CSMD1: variants seen among roughly 807,000 people sequenced by gnomAD.
CSMD1 encodes CUB and sushi domain-containing protein 1.
Under a neutral mutation model 417.5 loss-of-function variants are expected in CSMD1, and 213 were observed. The ratio of observed to expected loss-of-function variants is 0.51; its 90% CI spans 0.46 to 0.57. The LOEUF is 0.57. Among genes scored for constraint, CSMD1 ranks in the 20% least tolerant of loss-of-function variants. The pLI, the probability that CSMD1 is intolerant of heterozygous loss-of-function variation, is 0.00. For missense variants in CSMD1, 6,923 were observed against 4,529.7 expected, an observed-to-expected ratio of 1.53 and a Z score of -15.17; for synonymous variants, 2,862 against 1,736.8, an observed-to-expected ratio of 1.65 and a Z score of -16.11.
intron 5 of CSMD1, among the ~76,000 whole-genome samples, chr8:3,869,348 T>G (rs1805322055): frequency 1.3e-5 from 2 of 152,204 alleles, no homozygotes; most frequent in South Asian, 4.1e-4. Flanking sequence ...TACTATATCC[T>G]GTATAATAAA....
intron 12 of CSMD1, among the ~76,000 whole-genome samples, chr8:3,449,261 C>G (rs1280060157): frequency 2.6e-5 from 4 of 152,250 alleles, no homozygotes; most frequent in Admixed American, 2.6e-4. Context: ...CAGGCTTATT[C>G]TGAAAAATAT....
chr8:4,285,216 C>T lies in CSMD1; in HGVS notation c.415+134737G>A, dbSNP rs571930468. ...AAGGAGTGTGTTAAAATTCAAACTG[C>T]TTGTATACAATCCGGTTTCATCATA... On this transcript the variant is annotated intron_variant, in intron 3 of 69. Transcript: ENST00000635120. Among the ~76,000 whole-genome samples the T allele has an allele frequency of 3.9e-5, 6 of 152,322 alleles. 1 individual carries two copies. Among genetic ancestry groups the T allele is most frequent in the African/African-American group, 1.4e-4 (6 of 41,582 alleles).
intron 5 of CSMD1, among the ~76,000 whole-genome samples, chr8:3,832,463 T>C: frequency 6.6e-6 from 1 of 152,350 alleles, no homozygotes; most frequent in East Asian, 1.9e-4. Flanking sequence ...GATAAGATTT[T>C]TTGTTTCTTG....
At chr8:3,101,141 T>G (rs1011959567) in intron 46 of CSMD1, among the ~76,000 whole-genome samples, 1 of 151,880 alleles carries the variant, frequency 6.6e-6, no homozygotes, top group Non-Finnish European at 1.5e-5. Context: ...AAACCTGACG[T>G]TGAAGACCTT....
At chr8:4,282,618 T>G (rs1361061609) in intron 3 of CSMD1, among the ~76,000 whole-genome samples, 1 of 152,234 alleles carries the variant, frequency 6.6e-6, no homozygotes, top group Non-Finnish European at 1.5e-5. Flanking sequence ...AGAAAGGTAG[T>G]TAGTATATTG....
intron 9 of CSMD1, among the ~76,000 whole-genome samples, chr8:3,581,332 G>T (rs1800374130): frequency 6.6e-6 from 1 of 152,196 alleles, no homozygotes; most frequent in Admixed American, 6.5e-5. Flanking sequence ...ATTCCTAAAT[G>T]AAGTAAGCGT....
intron 3 of CSMD1, among the ~76,000 whole-genome samples, chr8:4,206,281 G>A (rs1328449343): frequency 6.6e-6 from 1 of 152,000 alleles, no homozygotes; most frequent in Non-Finnish European, 1.5e-5. Context: ...TGCCATGTTG[G>A]TGTGCTGCAC....
At chr8:3,312,895 T>A (rs898776154) in intron 23 of CSMD1, among the ~76,000 whole-genome samples, 1 of 152,194 alleles carries the variant, frequency 6.6e-6, no homozygotes, top group Non-Finnish European at 1.5e-5. Context: ...GCCTGCTGTT[T>A]CCCTCTCTGC....
chr8:4,851,881 C>T (rs951145838), intron 1 of CSMD1, among the ~76,000 whole-genome samples: 69 of 152,280 alleles, frequency 4.5e-4, no homozygotes, highest in African/African-American at 1.6e-3. Context: ...ATTTCTCACA[C>T]CCCATAGAGA....
chr8:3,265,007 C>T (rs975655985), intron 26 of CSMD1, among the ~76,000 whole-genome samples: 1 of 152,148 alleles, frequency 6.6e-6, no homozygotes, highest in South Asian at 2.1e-4. Flanking sequence ...ATTTTAACCA[C>T]CTCTGTGAGA....
chr8:4,764,828 G>A (rs543915468), intron 1 of CSMD1, among the ~76,000 whole-genome samples: 194 of 132,900 alleles, frequency 1.5e-3, no homozygotes, highest in South Asian at 2.9e-3. Context: ...AGCAGAGATC[G>A]CGCCACTGCA....
chr8:3,271,074 C>T (rs1214043340), intron 26 of CSMD1, among the ~76,000 whole-genome samples: 1 of 124,226 alleles, frequency 8.0e-6, no homozygotes, highest in Non-Finnish European at 1.7e-5. Context: ...GCTGTCCTTC[C>T]CCCCTCCCCC....
At chr8:4,124,553 T>C (rs1372185780) in intron 3 of CSMD1, among the ~76,000 whole-genome samples, 1 of 152,154 alleles carries the variant, frequency 6.6e-6, no homozygotes, top group Non-Finnish European at 1.5e-5. Context: ...AGAAGCTTTG[T>C]GGCCACCTGC....
intron 23 of CSMD1, among the ~76,000 whole-genome samples, chr8:3,318,058 C>A (rs1293637675): frequency 6.6e-6 from 1 of 152,174 alleles, no homozygotes; most frequent in Admixed American, 6.6e-5. Context: ...ACCTTGGCCT[C>A]CCAAAATGTT....
intron 2 of CSMD1, among the ~76,000 whole-genome samples, chr8:4,622,961 T>C (rs1286991393): frequency 6.6e-6 from 1 of 152,186 alleles, no homozygotes; most frequent in Non-Finnish European, 1.5e-5. Flanking sequence ...TTCAAAGTTT[T>C]TTATATGTCA....
intron 4 of CSMD1, among the ~76,000 whole-genome samples, chr8:4,002,106 G>T (rs1460812238): frequency 1.3e-5 from 2 of 152,026 alleles, no homozygotes; most frequent in Non-Finnish European, 2.9e-5. Context: ...ACACATATAA[G>T]ACAAACAAAA....
chr8:4,850,795 A>T (rs1031741642), intron 1 of CSMD1, among the ~76,000 whole-genome samples: 1 of 151,990 alleles, frequency 6.6e-6, no homozygotes, highest in South Asian at 2.1e-4. Context: ...CTATTATTTT[A>T]CCCAAACTGC....
At chr8:3,539,424 A>G (rs373501492) in intron 10 of CSMD1, among the ~76,000 whole-genome samples, 118 of 152,294 alleles carry the variant, frequency 7.7e-4, no homozygotes, top group African/African-American at 2.6e-3. Flanking sequence ...CACCCATTAG[A>G]TTATACATCA....
chr8:4,571,354 C>T lies in CSMD1; in HGVS notation c.302+65988G>A, dbSNP rs566273824. ...CTGGTACATTGTGTCTTTGTTCTCA[C>T]TGGTTTCAAAGAACTTATTTATTTC... On this transcript the variant is annotated intron_variant, in intron 2 of 69. Transcript: ENST00000635120. Among the ~76,000 whole-genome samples the T allele has an allele frequency of 3.9e-5, 6 of 152,234 alleles. No homozygotes were observed. The East Asian group carries it at 5.8e-4, about 15-fold the overall frequency.
Sources: allele counts gnomAD v4.1 joint callset (sites outside exome capture counted in the v4.1 genomes callset), GRCh38; gene constraint gnomAD v4.1.1; transcripts MANE v1.5; gene names NCBI Gene and HGNC (gene_info 2026-07-23, HGNC 2026-07-21).